The following SLC9A9 variants were observed in gnomAD, a reference collection of about 807,000 sequenced individuals.
SLC9A9 encodes the protein sodium/hydrogen exchanger 9.
In SLC9A9, 62 loss-of-function variants were observed where a neutral mutation model predicts 77.8. That is an observed-to-expected ratio of 0.80 (90% confidence interval 0.65 to 0.98). The LOEUF (loss-of-function observed/expected upper bound fraction) is 0.98, where lower values mean the gene tolerates loss of function less well. Ranked by LOEUF, SLC9A9 falls within the 50% of genes least tolerant of loss-of-function variation. The pLI is 0.00. For missense variants in SLC9A9, 775 were observed against 774.9 expected (o/e 1.00, Z 0.00); for synonymous variants, 320 against 283.5 (o/e 1.13, Z -1.29).
At chr3:143,736,244 C>T (rs1234450058) in intron 4 of SLC9A9, among the ~76,000 whole-genome samples, 1 of 152,142 alleles carries the variant, frequency 6.6e-6, no homozygotes, top group Admixed American at 6.5e-5. Context: ...TTTGTACCTG[C>T]TTGTAATAAT....
intron 4 of SLC9A9, among the ~76,000 whole-genome samples, chr3:143,711,447 T>C (rs1934191926): frequency 6.6e-6 from 1 of 152,128 alleles, no homozygotes; most frequent in Non-Finnish European, 1.5e-5. Flanking sequence ...GGTCTCACTC[T>C]GTCACTTAGG....
chr3:143,308,373 G>A (rs1377851241), intron 14 of SLC9A9, among the ~76,000 whole-genome samples: 4 of 152,042 alleles, frequency 2.6e-5, no homozygotes, highest in Admixed American at 2.6e-4. Flanking sequence ...CCAGGAGATC[G>A]AGACCATCCT....
chr3:143,670,233 A>G (rs2108764437), intron 5 of SLC9A9, among the ~76,000 whole-genome samples: 1 of 152,310 alleles, frequency 6.6e-6, no homozygotes, highest in East Asian at 1.9e-4. Flanking sequence ...CTAAATTTCT[A>G]TGGGTCTCAC....
At position 143,666,708 on chromosome 3, in the gene SLC9A9, G is replaced by A. The variant is rs1242046; in HGVS notation, c.650-14348C>T. Reference sequence around the variant, plus strand: ...CACCAGTAACAGACAGAGAGCCAAAGCATGAGTGAACTCCCATTCACAACT... The same window carrying A: ...CACCAGTAACAGACAGAGAGCCAAAACATGAGTGAACTCCCATTCACAACT... On this transcript the variant is annotated intron_variant, in intron 5 of 15. Coordinates refer to ENST00000316549, the MANE Select transcript of SLC9A9 (RefSeq NM_173653.4). Among the ~76,000 whole-genome samples the A allele has an allele frequency of 1.5e-3, 234 of 152,070 alleles. 1 individual carries two copies. The highest frequency in any genetic ancestry group is 3.4e-3 in the Middle Eastern group (1 of 292).
At chr3:143,637,959 A>C (rs189579637) in intron 6 of SLC9A9, among the ~76,000 whole-genome samples, 54 of 152,380 alleles carry the variant, frequency 3.5e-4, no homozygotes, top group African/African-American at 1.3e-3. Context: ...GCATACATGC[A>C]TATATTTTTC....
chr3:143,731,506 C>T (rs1217096512), intron 4 of SLC9A9, among the ~76,000 whole-genome samples: 1 of 152,224 alleles, frequency 6.6e-6, no homozygotes, highest in African/African-American at 2.4e-5. Context: ...ACCATCTTCT[C>T]ACCAGCAGGC....
At chr3:143,316,650 A>C (rs2031222747) in intron 14 of SLC9A9, among the ~76,000 whole-genome samples, 1 of 152,190 alleles carries the variant, frequency 6.6e-6, no homozygotes, top group African/African-American at 2.4e-5. Flanking sequence ...ATATGAAATA[A>C]TGCACCCTGG....
chr3:143,498,746 C>T (rs149796120), intron 9 of SLC9A9, among the ~76,000 whole-genome samples: 1 of 152,186 alleles, frequency 6.6e-6, no homozygotes, highest in African/African-American at 2.4e-5. Flanking sequence ...CATGATTTAA[C>T]TACTATTAGC....
intron 4 of SLC9A9, among the ~76,000 whole-genome samples, chr3:143,755,512 A>C (rs1287836201): frequency 6.6e-6 from 1 of 152,122 alleles, no homozygotes; most frequent in Non-Finnish European, 1.5e-5. Flanking sequence ...AATTTATAAG[A>C]TCTCCTGTTT....
At chr3:143,380,939 G>A (rs557415420) in intron 13 of SLC9A9, among the ~76,000 whole-genome samples, 9 of 152,080 alleles carry the variant, frequency 5.9e-5, no homozygotes, top group South Asian at 2.1e-4. Context: ...ATACAAATAC[G>A]CTCATAACAC....
At chr3:143,300,212 T>TC (rs2030462388) in intron 14 of SLC9A9, among the ~76,000 whole-genome samples, 1 of 152,222 alleles carries the variant, frequency 6.6e-6, no homozygotes, top group Admixed American at 6.5e-5. Context: ...CACCTAGGTC[T>TC]GAGCCTCAGT....
At chr3:143,335,498 C>T (rs573242606) in intron 14 of SLC9A9, among the ~76,000 whole-genome samples, 4 of 152,210 alleles carry the variant, frequency 2.6e-5, no homozygotes, top group Admixed American at 1.3e-4. Flanking sequence ...CTAAAGGTTT[C>T]GTAATTCTTG....
intron 7 of SLC9A9, among the ~76,000 whole-genome samples, chr3:143,575,827 A>G (rs727114): frequency 0.46 from 70,654 of 152,052 alleles, 17,687 homozygotes; most frequent in African/African-American, 0.67. Flanking sequence ...CCGAGGAGAC[A>G]GCCTCAGAAT....
chr3:143,384,802 C>T (rs1008097859), intron 12 of SLC9A9, among the ~76,000 whole-genome samples: 1 of 142,842 alleles, frequency 7.0e-6, no homozygotes, highest in Admixed American at 7.3e-5. Context: ...GTGTTTCCCT[C>T]CTGGGGAAGC....
At chr3:143,708,182 A>C (rs1402229642) in intron 4 of SLC9A9, among the ~76,000 whole-genome samples, 1 of 152,040 alleles carries the variant, frequency 6.6e-6, no homozygotes, top group Non-Finnish European at 1.5e-5. Context: ...CAAGAACTTG[A>C]CTCGGCATCC....
chr3:143,837,422 T>C (rs1246954383), intron 1 of SLC9A9, among the ~76,000 whole-genome samples: 1 of 152,204 alleles, frequency 6.6e-6, no homozygotes, highest in Non-Finnish European at 1.5e-5. Context: ...GAGAACTGAG[T>C]TTTGCAGTTC....
At chr3:143,364,205 G>A (rs1298873569) in intron 13 of SLC9A9, among the ~76,000 whole-genome samples, 2 of 151,276 alleles carry the variant, frequency 1.3e-5, no homozygotes, top group Admixed American at 1.3e-4. Context: ...GTGTTTTTGT[G>A]AGAGAAGAGG....
chr3:143,667,021 C>T (rs1345918687), intron 5 of SLC9A9, among the ~76,000 whole-genome samples: 1 of 152,124 alleles, frequency 6.6e-6, no homozygotes, highest in African/African-American at 2.4e-5. Flanking sequence ...CCTGCATTGC[C>T]AAGACAATCC....
chr3:143,729,729 C>G (rs544154541), intron 4 of SLC9A9, among the ~76,000 whole-genome samples: 2 of 152,288 alleles, frequency 1.3e-5, no homozygotes, highest in South Asian at 4.1e-4. Flanking sequence ...CTTCTTACCC[C>G]CTAGAAGATT....
Sources: allele counts gnomAD v4.1 joint callset (sites outside exome capture counted in the v4.1 genomes callset), GRCh38; gene constraint gnomAD v4.1.1; transcripts MANE v1.5; gene names NCBI Gene and HGNC (gene_info 2026-07-23, HGNC 2026-07-21).